The following MAP3K11 variants were observed in gnomAD, a reference collection of about 807,000 sequenced individuals.
MAP3K11 encodes mitogen-activated protein kinase kinase kinase 11.
In MAP3K11, 46 loss-of-function variants were observed where a neutral mutation model predicts 84.9. The observed-to-expected ratio is 0.54, with a 90% confidence interval of 0.43 to 0.69. The LOEUF is 0.69. Among genes scored for constraint, MAP3K11 ranks in the 30% least tolerant of loss-of-function variants. MAP3K11 has a pLI of 0.00. For synonymous variants in MAP3K11, 527 were observed against 514.7 expected (o/e 1.02, Z -0.32); for missense variants, 1,053 against 1,198.3 (o/e 0.88, Z 1.79).
Position 65,613,696 on chromosome 11 carries a change from T to G in MAP3K11, c.61A>C (p.Ser21Arg). The change falls in exon 1 of 10, where the codon AGC (serine) becomes CGC (arginine). Residue 21 changes from serine (S) to arginine (R), a missense_variant. Around this residue, in one of 3 missense-constraint regions of MAP3K11, gnomAD observed 160 missense variants for 167.3 expected, o/e 0.96. Transcript: ENST00000309100. Reference sequence around the variant, plus strand: ...CCTCCACCGCCCCCACCACCCCCGCTGCCACTGCCATTCCATGACCCTAGA... The same window carrying G: ...CCTCCACCGCCCCCACCACCCCCGCGGCCACTGCCATTCCATGACCCTAGA... ...SPLGSWNGSG[S>R]GGGGGGGGGR... 7.9e-7 allele frequency: 1 copy of G among 1,273,060 alleles called. No individual in the cohort carries two copies. The highest frequency in any genetic ancestry group is 1.1e-6 in the Non-Finnish European group (1 of 885,258). 78.9% of individuals were successfully genotyped at this position (1,273,060 alleles called of 1,614,324 possible). A position where few individuals can be genotyped will look rare whatever the true frequency, so the allele number is the denominator to read the frequency against.
rs367920151 is a variant in MAP3K11, at chr11:65,613,560, T to C, written c.197A>G (p.Asp66Gly). Residue 66 changes from aspartate (D) to glycine (G), a missense_variant, in exon 1 of 10, where the codon GAC becomes GGC. Physicochemically the swap from Asp to Gly is moderately conservative, Grantham distance 94 (BLOSUM62 -1). Transcript: ENST00000309100. ...GTCCCGGGACAGCACCTCCACACGG[T>C]CACCCTTCCTCAGGGCCAGCTCATC... ...GQDELALRKG[D>G]RVEVLSRDAA... The C allele has an allele frequency of 5.6e-6, 9 of 1,611,922 alleles. No homozygotes were observed. The highest frequency in any genetic ancestry group is 1.3e-5 in the African/African-American group (1 of 74,846).
intron 8 of MAP3K11, 33 bp downstream of exon 8, chr11:65,605,728 G>A: frequency 6.5e-7 from 1 of 1,546,124 alleles, no homozygotes; most frequent in Non-Finnish European, 8.9e-7. Flanking sequence ...AAGGAGCTCA[G>A]CCAGATCCTG....
intron 9 of MAP3K11, among the ~76,000 whole-genome samples, chr11:65,598,979 A>G (rs1854417424): frequency 1.3e-5 from 2 of 152,174 alleles, no homozygotes; most frequent in Admixed American, 1.3e-4. Context: ...AAAGCCTTGC[A>G]AACAGTACTT....
intron 8 of MAP3K11, among the ~76,000 whole-genome samples, chr11:65,600,154 T>G (rs992770856): frequency 1.3e-5 from 2 of 152,202 alleles, no homozygotes; most frequent in African/African-American, 2.4e-5. Context: ...CGCCCTGTGC[T>G]CTGTGCCCAC....
intron 4 of MAP3K11, 33 bp from the exon 5 acceptor site, chr11:65,607,546 G>A: frequency 6.4e-7 from 1 of 1,552,090 alleles, no homozygotes; most frequent in South Asian, 1.2e-5. Flanking sequence ...GGAGAGGTCA[G>A]CCTGGCACCA....
In MAP3K11 at chr11:65,598,246, AC is replaced by A; in HGVS notation, c.*44del. The A allele has an allele frequency of 7.3e-7, 1 of 1,376,432 alleles. No individual in the cohort carries two copies. Among genetic ancestry groups the A allele is most frequent in the Non-Finnish European group, 9.5e-7 (1 of 1,057,516 alleles). 85.3% of individuals were successfully genotyped at this position (1,376,432 alleles called of 1,614,324 possible). A position where few individuals can be genotyped will look rare whatever the true frequency, so the allele number is the denominator to read the frequency against. Reference sequence around the variant, plus strand: ...AGCTCCTGTTCCAGTGTATGCTGTGACTCCTCCTAAGGCAGCTGGAGCTCGG... The same window carrying A: ...AGCTCCTGTTCCAGTGTATGCTGTGATCCTCCTAAGGCAGCTGGAGCTCGG... On this transcript the variant is annotated 3_prime_UTR_variant, in exon 10 of 10. Transcript: ENST00000309100.
intron 8 of MAP3K11, 30 bp from the exon 9 acceptor site, chr11:65,599,798 G>A (rs760531669): frequency 1.9e-6 from 3 of 1,584,266 alleles, no homozygotes; most frequent in East Asian, 2.3e-5. Context: ...AGGTGAGGGT[G>A]TGGCTGGTGC....
Position 65,599,348 on chromosome 11 carries a change from AC to A in MAP3K11, c.2206+45del, listed in dbSNP as rs747548622. The A allele has an allele frequency of 2.7e-6, 4 of 1,499,660 alleles. No individual in the cohort carries two copies. The East Asian group carries it at 8.2e-5, about 31-fold the overall frequency. 92.9% of individuals were successfully genotyped at this position (1,499,660 alleles called of 1,614,324 possible). A position where few individuals can be genotyped will look rare whatever the true frequency, so the allele number is the denominator to read the frequency against. On this transcript the variant is annotated intron_variant, in intron 9 of 9. Transcript: ENST00000309100. ...ACCAGCCACTCCTCCCTCCCTGGGA[AC>A]CCCCGTCTCCCATATGTGAAGCAGG...
chr11:65,608,341 C>T lies in MAP3K11; in HGVS notation c.847G>A (p.Ala283Thr), dbSNP rs746476599. The T allele has an allele frequency of 6.2e-6, 10 of 1,614,224 alleles. No homozygotes were observed. The highest frequency in any genetic ancestry group is 2.2e-5 in the East Asian group (1 of 44,884). ...EWHKTTQMSA[A>T]GTYAWMAPEV... Reference sequence around the variant, plus strand: ...GGAGCCATCCAGGCGTAGGTGCCCGCGGCACTCATTTGTGTGGTTTTGTGC... The same window carrying T: ...GGAGCCATCCAGGCGTAGGTGCCCGTGGCACTCATTTGTGTGGTTTTGTGC... The change falls in exon 2 of 10, where the codon GCG becomes ACG. Residue 283 changes from alanine to threonine, a missense_variant. This residue lies in a region of MAP3K11 where 310 missense variants were observed against 464.5 expected (regional missense o/e 0.67). Coordinates refer to ENST00000309100, the MANE Select transcript of MAP3K11 (RefSeq NM_002419.4).
rs764954819 is a variant in MAP3K11 at position 65,598,507 on chromosome 11, A to G, written c.2328T>C (p.Ile776=). The change falls in exon 10 of 10, where the codon ATT becomes ATC. Residue 776 remains isoleucine, a synonymous_variant. Coordinates refer to ENST00000309100, the MANE Select transcript of MAP3K11 (RefSeq NM_002419.4). ...RPRPSPLRSR[I]DPWSFVSAGP... ...CAGCTGACACAAAGCTCCAGGGATC[A>G]ATGCGGCTGCGAAGGGGCGAGGGCC... The G allele has an allele frequency of 6.2e-7, 1 of 1,613,682 alleles. No individual in the cohort carries two copies.
At chr11:65,603,521 C>G (rs1319183145) in intron 8 of MAP3K11, among the ~76,000 whole-genome samples, 1 of 152,234 alleles carries the variant, frequency 6.6e-6, no homozygotes, top group East Asian at 1.9e-4. Flanking sequence ...CCACTGGGGA[C>G]AGGGTGAGGG....
chr11:65,613,111 C>T lies in MAP3K11; in HGVS notation c.646G>A (p.Val216Ile). The T allele has an allele frequency of 6.3e-7, 1 of 1,580,584 alleles. No homozygotes were observed. Among genetic ancestry groups the T allele is most frequent in the Non-Finnish European group, 8.6e-7 (1 of 1,163,366 alleles). The part of the protein sequence containing the change: ...AGRRVPPHVL[V>I]NWAVQIARGM... ...CGGGCAATCTGCACAGCCCAGTTGA[C>T]CAGCACATGGGGAGGCACGCGCCGC... Residue 216 changes from valine (V) to isoleucine (I), a missense_variant, in exon 1 of 10, where the codon GTC (valine) becomes ATC (isoleucine). By Grantham distance (29) the Val-to-Ile change is conservative. Transcript: ENST00000309100.
At chr11:65,612,720 G>A (rs904507643) in intron 1 of MAP3K11, 2 of 310,918 alleles carry the variant, frequency 6.4e-6, no homozygotes, top group Non-Finnish European at 1.2e-5. Context: ...CTTGAGGTGG[G>A]AGCCATGGCT....
chr11:65,605,867 G>T lies in MAP3K11; in HGVS notation c.1740-15C>A, dbSNP rs754390955. ...GGGACCTTCTCCTGGTGATGGGAGGGCAAGGAGGGGTGCTTTAGGAATTTC... is the reference window on the plus strand; with the variant it reads ...GGGACCTTCTCCTGGTGATGGGAGGTCAAGGAGGGGTGCTTTAGGAATTTC... On this transcript the variant is annotated splice_polypyrimidine_tract_variant and intron_variant, in intron 7 of 9. Transcript: ENST00000309100. The T allele has an allele frequency of 6.2e-7, 1 of 1,612,740 alleles. No homozygotes were observed. Among genetic ancestry groups the T allele is most frequent in the Non-Finnish European group, 8.5e-7 (1 of 1,179,254 alleles).
intron 5 of MAP3K11, chr11:65,607,023 C>T: frequency 1.6e-6 from 1 of 629,302 alleles, no homozygotes; most frequent in Non-Finnish European, 2.6e-6. Flanking sequence ...CGGCCCCGCC[C>T]ACTAGACCTT....
intron 1 of MAP3K11, 31 bp from the exon 2 acceptor site, chr11:65,608,479 C>A: frequency 6.2e-7 from 1 of 1,609,704 alleles, no homozygotes; most frequent in Non-Finnish European, 8.5e-7. Flanking sequence ...TGTGGATGCT[C>A]CAGGATCAGG....
chr11:65,607,925 C>A lies in MAP3K11; in HGVS notation c.1066G>T (p.Ala356Ser). The A allele has an allele frequency of 6.2e-7, 1 of 1,613,934 alleles. No homozygotes were observed. ...CCTGCCCTCCCCGTCCTCTTACCGGCCATAAGCTGTGCGAAGGGCTCGGGG... is the reference window on the plus strand; with the variant it reads ...CCTGCCCTCCCCGTCCTCTTACCGGACATAAGCTGTGCGAAGGGCTCGGGG... Reference protein sequence around the residue: ...TCPEPFAQLMADCWAQDPHRR... With the variant: ...TCPEPFAQLMSDCWAQDPHRR... The change falls in exon 3 of 10, where the codon GCC (alanine) becomes TCC (serine). Residue 356 changes from alanine to serine, a missense_variant. Around this residue, in one of 3 missense-constraint regions of MAP3K11, gnomAD observed 310 missense variants for 464.5 expected, o/e 0.67. Transcript: ENST00000309100.
At position 65,598,409 on chromosome 11, in the gene MAP3K11, G is replaced by C. The variant is rs759296633; in HGVS notation, c.2426C>G (p.Ser809Ter). The change falls in exon 10 of 10, where the codon TCA becomes TGA. Residue 809 changes from serine to a stop codon, truncating the protein, a stop_gained. Coordinates refer to ENST00000309100, the MANE Select transcript of MAP3K11 (RefSeq NM_002419.4). LOFTEE classifies it high-confidence loss of function. ...AGGTGGGGAGTCCCAGAAGGGGTCT[G>C]AGTCCGGGAACAAGGTCCAGGGTGC... ...RRAPWTLFPD[S>*]DPFWDSPPAN... 6.3e-7 allele frequency: 1 copy of C among 1,586,526 alleles called. No homozygotes were observed. Among genetic ancestry groups the C allele is most frequent in the Non-Finnish European group, 8.6e-7 (1 of 1,163,556 alleles).
In MAP3K11 at chr11:65,613,802, C is replaced by T. The variant is rs1043350797; in HGVS notation, c.-46G>A. The T allele has an allele frequency of 6.8e-7, 1 of 1,477,286 alleles. No homozygotes were observed. Among genetic ancestry groups the T allele is most frequent in the African/African-American group, 1.4e-5 (1 of 71,512 alleles). The allele number at this position is 1,477,286 out of a possible 1,614,324, so 91.5% of individuals were successfully genotyped here. A position where few individuals can be genotyped will look rare whatever the true frequency, so the allele number is the denominator to read the frequency against. On this transcript the variant is annotated 5_prime_UTR_variant, in exon 1 of 10. Transcript: ENST00000309100. Reference sequence around the variant, plus strand: ...ATGTGTGGAGGACCTTCTCTGGGTGCCCGTGGTCCCCACCCCCGCTGGCTG... The same window carrying T: ...ATGTGTGGAGGACCTTCTCTGGGTGTCCGTGGTCCCCACCCCCGCTGGCTG...
Sources: gnomAD v4.1 joint callset for allele counts (sites outside exome capture counted in the v4.1 genomes callset) on GRCh38, gnomAD v4.1.1 for gene constraint, gnomAD v4.1.1 regional missense constraint, MANE v1.5 for transcripts, NCBI Gene and HGNC (gene_info 2026-07-23, HGNC 2026-07-21) for gene names.